The following CDIN1 variants were observed in gnomAD, a reference collection of about 807,000 sequenced individuals.
CDIN1 encodes CDAN1 interacting nuclease 1, also known as CDAN1-interacting nuclease 1.
In CDIN1, 33 loss-of-function variants were observed where a neutral mutation model predicts 45.3. The ratio of observed to expected loss-of-function variants is 0.73; its 90% CI spans 0.55 to 0.97. CDIN1 has a LOEUF of 0.97. Among genes scored for constraint, CDIN1 ranks in the 50% least tolerant of loss-of-function variants. The pLI is 0.00. For synonymous variants in CDIN1, 118 were observed against 124.4 expected (o/e 0.95, Z 0.34); for missense variants, 303 against 339.4 (o/e 0.89, Z 0.84).
chr15:36,801,793 T>A (rs2055058271), intron 10 of CDIN1, among the ~76,000 whole-genome samples: 1 of 152,218 alleles, frequency 6.6e-6, no homozygotes, highest in Non-Finnish European at 1.5e-5. Flanking sequence ...ATATGCTCCC[T>A]CAAAAGTAAT....
chr15:36,721,552 A>G (rs562304838), intron 10 of CDIN1, among the ~76,000 whole-genome samples: 2 of 152,254 alleles, frequency 1.3e-5, no homozygotes, highest in Admixed American at 6.5e-5. Context: ...ATTCTTTTAA[A>G]TGTATTGAGA....
rs1222751638 is a variant in CDIN1, at chr15:36,758,448, C to T, written c.716+48487C>T. Among the ~76,000 whole-genome samples the T allele has an allele frequency of 2.6e-5, 4 of 152,280 alleles. No individual in the cohort carries two copies. In the East Asian group the frequency reaches 5.8e-4, roughly 22 times the overall value. On this transcript the variant is annotated intron_variant, in intron 10 of 10. Coordinates refer to ENST00000566621, the MANE Select transcript of CDIN1 (RefSeq NM_001321759.2). ...TTGCCTCTCTGTGCCTCAGTTTCCT[C>T]ATTCATAAGATGAGGAAAGGCAAGC...
At chr15:36,710,032 G>T in intron 10 of CDIN1, 71 bp downstream of exon 10, 1 of 1,170,246 alleles carries the variant, frequency 8.5e-7, no homozygotes. Context: ...AAAATATTTT[G>T]TTTAGCTGGT....
At chr15:36,663,123 G>A (rs926357241) in intron 5 of CDIN1, among the ~76,000 whole-genome samples, 10 of 152,016 alleles carry the variant, frequency 6.6e-5, no homozygotes, top group African/African-American at 2.4e-4. Context: ...ATGGATTGAG[G>A]CTTCAAGAGA....
At chr15:36,642,984 T>G (rs1396063977) in intron 1 of CDIN1, among the ~76,000 whole-genome samples, 1 of 152,150 alleles carries the variant, frequency 6.6e-6, no homozygotes, top group African/African-American at 2.4e-5. Flanking sequence ...CTAGGGTATG[T>G]GATTTGGATG....
intron 1 of CDIN1, among the ~76,000 whole-genome samples, chr15:36,636,520 C>G (rs2039903875): frequency 6.6e-6 from 1 of 151,992 alleles, no homozygotes; most frequent in Admixed American, 6.6e-5. Flanking sequence ...CCACTGTGCT[C>G]CAGCCTGAGC....
intron 10 of CDIN1, among the ~76,000 whole-genome samples, chr15:36,727,197 T>C (rs879313290): frequency 1.3e-4 from 20 of 152,156 alleles, no homozygotes; most frequent in Non-Finnish European, 2.8e-4. Context: ...AATTAGTTAA[T>C]TTACATTTTG....
chr15:36,807,267 T>C (rs985163698), intron 10 of CDIN1, among the ~76,000 whole-genome samples: 5 of 152,170 alleles, frequency 3.3e-5, no homozygotes, highest in African/African-American at 7.2e-5. Context: ...CAAAAGCTTT[T>C]TGGCCTAGCA....
chr15:36,726,292 T>TATC (rs1313291329), intron 10 of CDIN1, among the ~76,000 whole-genome samples: 6 of 152,190 alleles, frequency 3.9e-5, no homozygotes, highest in Admixed American at 6.5e-5. Context: ...TAATGCCCAC[T>TATC]ATCAGCTGAG....
At chr15:36,645,506 G>A (rs1244178148) in intron 3 of CDIN1, among the ~76,000 whole-genome samples, 1 of 151,270 alleles carries the variant, frequency 6.6e-6, no homozygotes, top group Non-Finnish European at 1.5e-5. Context: ...GTGTGTGTGT[G>A]TGTGTGTGTG....
intron 1 of CDIN1, chr15:36,618,245 A>T (rs1370862795): frequency 1.5e-5 from 10 of 671,888 alleles, no homozygotes; most frequent in Non-Finnish European, 2.4e-5. Flanking sequence ...GGTTCAGAAC[A>T]CTCAACAGAG....
In CDIN1 at chr15:36,579,866, A is replaced by G. The variant is rs769275038; in HGVS notation, c.6A>G (p.Ile2Met). 1 of 1,613,474 alleles carries G rather than the reference A, an allele frequency of 6.2e-7. No homozygotes were observed. Reference sequence around the variant, plus strand: ...CTCCTGGTCCCTGGCCCAACATGATACTGACCAAAGCTCAGTACGACGAGA... The same window carrying G: ...CTCCTGGTCCCTGGCCCAACATGATGCTGACCAAAGCTCAGTACGACGAGA... M[I>M]LTKAQYDEIA... Residue 2 changes from isoleucine to methionine, a missense_variant, in exon 1 of 11, where the codon ATA becomes ATG. Coordinates refer to ENST00000566621, the MANE Select transcript of CDIN1 (RefSeq NM_001321759.2).
chr15:36,667,862 T>A (rs889456367), intron 5 of CDIN1, among the ~76,000 whole-genome samples: 2 of 152,180 alleles, frequency 1.3e-5, no homozygotes, highest in African/African-American at 4.8e-5. Context: ...ATATGAGCTA[T>A]TTTCTTTACA....
intron 5 of CDIN1, among the ~76,000 whole-genome samples, chr15:36,686,347 G>A (rs1158223454): frequency 1.4e-5 from 2 of 146,502 alleles, no homozygotes; most frequent in Admixed American, 7.0e-5. Context: ...ACTCATAGGT[G>A]GGAATTGAGC....
intron 5 of CDIN1, among the ~76,000 whole-genome samples, chr15:36,667,712 T>C (rs1223355945): frequency 2.0e-5 from 3 of 152,194 alleles, no homozygotes; most frequent in Non-Finnish European, 4.4e-5. Flanking sequence ...AATGAGATGA[T>C]ACGAAGTTTT....
Position 36,785,931 on chromosome 15 carries a change from G to A in CDIN1, c.717-22393G>A, listed in dbSNP as rs143572484. Among the ~76,000 whole-genome samples the A allele has an allele frequency of 2.6e-5, 4 of 152,132 alleles. No individual in the cohort carries two copies. In the East Asian group the frequency reaches 5.8e-4, roughly 22 times the overall value. ...CCTGTAAGAGACATTTCAGAATATTGGCCACTATTTTGATAATTCTGCCTA... is the reference window on the plus strand; with the variant it reads ...CCTGTAAGAGACATTTCAGAATATTAGCCACTATTTTGATAATTCTGCCTA... On this transcript the variant is annotated intron_variant, in intron 10 of 10. Coordinates refer to ENST00000566621, the MANE Select transcript of CDIN1 (RefSeq NM_001321759.2).
At chr15:36,703,299 A>T (rs373837360) in intron 8 of CDIN1, among the ~76,000 whole-genome samples, 15 of 90,738 alleles carry the variant, frequency 1.7e-4, no homozygotes, top group South Asian at 8.8e-4. Context: ...TACATATATC[A>T]GATAGATCTA....
intron 10 of CDIN1, among the ~76,000 whole-genome samples, chr15:36,754,041 TA>T (rs2053543476): frequency 6.6e-6 from 1 of 152,160 alleles, no homozygotes; most frequent in South Asian, 2.1e-4. Flanking sequence ...TTATAGTGAA[TA>T]AAACAGCTAG....
At position 36,579,947 on chromosome 15, in the gene CDIN1, G is replaced by A; in HGVS notation, c.87G>A (p.Lys29=). 6.2e-7 allele frequency: 1 copy of A among 1,613,464 alleles called. No individual in the cohort carries two copies. Among genetic ancestry groups the A allele is most frequent in the Non-Finnish European group, 8.5e-7 (1 of 1,179,700 alleles). ...PPTRQSLRKL[K]QRFPSQSQAT... ...CCAGGCAGAGCCTGAGGAAGCTGAA[G>A]CAGAGGTTTCCCAGGTAAGTGTCCA... Residue 29 remains lysine (K), a synonymous_variant, in exon 1 of 11, where the codon AAG becomes AAA. Transcript: ENST00000566621.
Sources: allele counts gnomAD v4.1 joint callset (sites outside exome capture counted in the v4.1 genomes callset), GRCh38; gene constraint gnomAD v4.1.1; transcripts MANE v1.5; gene names NCBI Gene and HGNC (gene_info 2026-07-23, HGNC 2026-07-21).